Variants in STK3 observed in about 807,000 individuals in gnomAD.
The protein encoded by STK3 is serine/threonine-protein kinase 3.
A neutral mutation model predicts 58.0 loss-of-function variants in STK3; 41 were observed. The observed-to-expected ratio is 0.71, with a 90% CI of 0.55 to 0.92. The LOEUF is 0.92. Ranked by LOEUF, STK3 falls within the 40% of genes least tolerant of loss-of-function variation. The pLI, the probability that STK3 is intolerant of heterozygous loss-of-function variation, is 0.00. For synonymous variants in STK3, 170 were observed against 191.0 expected (o/e 0.89, Z 0.91); for missense variants, 479 against 602.7 (o/e 0.79, Z 2.15).
At chr8:98,344,885 T>A in the STK3 span, among the ~76,000 whole-genome samples, 1 of 88,222 alleles carries the variant, frequency 1.1e-5, no homozygotes. Context: ...AGAGCGAGAC[T>A]CCGTCTCAAA....
chr8:98,685,735 A>G (rs1325854684), intron 6 of STK3, among the ~76,000 whole-genome samples: 2 of 152,086 alleles, frequency 1.3e-5, no homozygotes, highest in Non-Finnish European at 2.9e-5. Flanking sequence ...GAATCAAGGT[A>G]TCACCTAAAA....
At chr8:98,394,831 G>A (rs1404285728) in intron 3 of STK3, among the ~76,000 whole-genome samples, 1 of 152,246 alleles carries the variant, frequency 6.6e-6, no homozygotes, top group Non-Finnish European at 1.5e-5. Flanking sequence ...TTCCAGGCAA[G>A]TGTGAAGATT....
chr8:98,504,203 G>T (rs1823860243), intron 10 of STK3, among the ~76,000 whole-genome samples: 1 of 152,064 alleles, frequency 6.6e-6, no homozygotes. Flanking sequence ...CAGAGACTAG[G>T]ATTGCAACCC....
intron 1 of STK3, among the ~76,000 whole-genome samples, chr8:98,381,804 T>G (rs1011334235): frequency 2.6e-5 from 4 of 152,156 alleles, no homozygotes; most frequent in Non-Finnish European, 5.9e-5. Context: ...CTACCCAGGC[T>G]CTGGGGATGG....
intron 6 of STK3, among the ~76,000 whole-genome samples, chr8:98,644,763 T>G (rs1469065299): frequency 6.6e-6 from 1 of 152,222 alleles, no homozygotes; most frequent in Non-Finnish European, 1.5e-5. Context: ...GATACCAGCA[T>G]GTTTTAATAT....
intron 8 of STK3, among the ~76,000 whole-genome samples, chr8:98,565,898 T>C (rs755786559): frequency 6.6e-6 from 1 of 152,308 alleles, no homozygotes; most frequent in South Asian, 2.1e-4. Context: ...GTAATACAGT[T>C]GACCCATCTC....
At chr8:98,550,230 C>G (rs891554851) in intron 8 of STK3, among the ~76,000 whole-genome samples, 9 of 152,088 alleles carry the variant, frequency 5.9e-5, no homozygotes, top group Admixed American at 3.3e-4. Context: ...TCTTCCTAAA[C>G]CTACATGCTA....
chr8:98,838,972 G>C (rs1835853628), intron 3 of STK3, among the ~76,000 whole-genome samples: 1 of 144,776 alleles, frequency 6.9e-6, no homozygotes, highest in Non-Finnish European at 1.5e-5. Context: ...CTTTGTTTTT[G>C]TTTTGTTTGT....
downstream of STK3, among the ~76,000 whole-genome samples, chr8:98,368,269 C>G (rs1303915760): frequency 6.6e-6 from 1 of 152,226 alleles, no homozygotes; most frequent in Non-Finnish European, 1.5e-5. Flanking sequence ...CAGGTGCTCA[C>G]TGCCACGGGA....
At chr8:98,795,461 A>G (rs1833097534) in intron 1 of STK3, among the ~76,000 whole-genome samples, 1 of 152,054 alleles carries the variant, frequency 6.6e-6, no homozygotes, top group African/African-American at 2.4e-5. Flanking sequence ...AAATGGAAGC[A>G]TTCCCCTTGA....
At chr8:98,722,902 T>A (rs757626763) in intron 4 of STK3, 1 of 508,706 alleles carries the variant, frequency 2.0e-6, no homozygotes, top group African/African-American at 1.9e-5. Context: ...AGCTCCAAGA[T>A]GGAAAAGCGT....
intron 10 of STK3, among the ~76,000 whole-genome samples, chr8:98,496,673 T>C (rs970166901): frequency 1.3e-5 from 2 of 152,144 alleles, no homozygotes; most frequent in Non-Finnish European, 2.9e-5. Context: ...CACTACAATA[T>C]TGATGAACCT....
At chr8:98,772,712 T>TA (rs1369538736) in intron 2 of STK3, among the ~76,000 whole-genome samples, 4 of 150,836 alleles carry the variant, frequency 2.7e-5, no homozygotes, top group Non-Finnish European at 4.4e-5. Context: ...AATTTTAAAA[T>TA]AAAAAAAAAT....
chr8:98,738,194 G>A (rs901544976), intron 4 of STK3, among the ~76,000 whole-genome samples: 1 of 152,264 alleles, frequency 6.6e-6, no homozygotes, highest in South Asian at 2.1e-4. Context: ...AAACTTATGT[G>A]AGGCCAGACA....
intron 8 of STK3, among the ~76,000 whole-genome samples, chr8:98,565,602 A>G (rs1281768451): frequency 6.6e-6 from 1 of 152,142 alleles, no homozygotes; most frequent in Non-Finnish European, 1.5e-5. Context: ...TTATTCAATA[A>G]TATATTTTAA....
chr8:98,545,763 C>G (rs1042001447), intron 9 of STK3, among the ~76,000 whole-genome samples: 1 of 152,022 alleles, frequency 6.6e-6, no homozygotes, highest in African/African-American at 2.4e-5. Flanking sequence ...TATTAGGGAA[C>G]AAAAATGCTA....
At chr8:98,696,605 T>C (rs1445923967) in intron 6 of STK3, among the ~76,000 whole-genome samples, 1 of 152,210 alleles carries the variant, frequency 6.6e-6, no homozygotes, top group African/African-American at 2.4e-5. Context: ...TCTGCATCTA[T>C]TGAGATAATC....
At chr8:98,869,873 C>T (rs996387163) in intron 3 of STK3, among the ~76,000 whole-genome samples, 1 of 145,404 alleles carries the variant, frequency 6.9e-6, no homozygotes, top group Admixed American at 7.0e-5. Flanking sequence ...ACTTTAAGTT[C>T]TAGGGTACAT....
chr8:98,873,008 A>G (rs1404611947), intron 3 of STK3, among the ~76,000 whole-genome samples: 21 of 152,110 alleles, frequency 1.4e-4, no homozygotes, highest in African/African-American at 4.6e-4. Context: ...ACACTGCTTT[A>G]AATGTGTCCC....
Sources: allele counts gnomAD v4.1 joint callset (sites outside exome capture counted in the v4.1 genomes callset), GRCh38; gene constraint gnomAD v4.1.1; transcripts MANE v1.5; gene names NCBI Gene and HGNC (gene_info 2026-07-23, HGNC 2026-07-21).